Variants in TDRD3 observed in about 807,000 individuals in gnomAD.
The protein encoded by TDRD3 is tudor domain containing 3.
In TDRD3, 45 loss-of-function variants were observed where a neutral mutation model predicts 86.7. That is an observed-to-expected ratio of 0.52 (90% CI 0.41 to 0.67). The LOEUF (loss-of-function observed/expected upper bound fraction) is 0.67, where lower values mean the gene tolerates loss of function less well. Among genes scored for constraint, TDRD3 ranks in the 30% least tolerant of loss-of-function variants. The pLI, the probability that TDRD3 is intolerant of heterozygous loss-of-function variation, is 0.00. For synonymous variants in TDRD3, 298 were observed against 301.7 expected (o/e 0.99, Z 0.13); for missense variants, 814 against 889.0 (o/e 0.92, Z 1.07).
At chr13:60,555,819 A>G (rs1958168702) in intron 12 of TDRD3, among the ~76,000 whole-genome samples, 1 of 151,406 alleles carries the variant, frequency 6.6e-6, no homozygotes, top group African/African-American at 2.4e-5. Flanking sequence ...AGTATTTTAC[A>G]TAGGGTAGGA....
intron 10 of TDRD3, among the ~76,000 whole-genome samples, chr13:60,518,110 A>G (rs1957212866): frequency 6.6e-6 from 1 of 152,228 alleles, no homozygotes; most frequent in Admixed American, 6.5e-5. Context: ...TTAAGATGGC[A>G]GGCACAGTAC....
At chr13:60,511,342 A>G (rs1471736079) in intron 10 of TDRD3, among the ~76,000 whole-genome samples, 3 of 152,234 alleles carry the variant, frequency 2.0e-5, no homozygotes, top group Admixed American at 6.5e-5. Context: ...TCATTCAGAT[A>G]TATTTTGAAT....
At chr13:60,400,826 A>G (rs1008751627) in intron 1 of TDRD3, among the ~76,000 whole-genome samples, 3 of 152,126 alleles carry the variant, frequency 2.0e-5, no homozygotes, top group African/African-American at 7.2e-5. Flanking sequence ...AAGCACAGAG[A>G]GTTTCAATAA....
intron 2 of TDRD3, among the ~76,000 whole-genome samples, chr13:60,441,204 ATAT>A (rs1388669049): frequency 5.9e-5 from 9 of 152,180 alleles, no homozygotes; most frequent in African/African-American, 1.9e-4. Flanking sequence ...TTGCTTAAAA[ATAT>A]TATAAAGGAC....
intron 10 of TDRD3, 47 bp downstream of exon 10, chr13:60,510,802 C>CTTTTTTTT: frequency 1.7e-6 from 2 of 1,204,020 alleles, no homozygotes; most frequent in Admixed American, 3.5e-5. Flanking sequence ...TCTTTTCTTT[C>CTTTTTTTT]TTTTTTTTTT....
At chr13:60,519,812 C>T (rs577572073) in intron 10 of TDRD3, among the ~76,000 whole-genome samples, 1 of 152,188 alleles carries the variant, frequency 6.6e-6, no homozygotes, top group African/African-American at 2.4e-5. Flanking sequence ...CTGAGGTAAG[C>T]TCATTTGGTT....
intron 1 of TDRD3, among the ~76,000 whole-genome samples, chr13:60,439,422 A>G (rs933813488): frequency 6.6e-6 from 1 of 152,186 alleles, no homozygotes; most frequent in Admixed American, 6.5e-5. Context: ...TCCCTTAAGT[A>G]TATTGACATT....
At chr13:60,494,691 T>C (rs1956677936) in intron 8 of TDRD3, 116 bp downstream of exon 8, 2 of 845,330 alleles carry the variant, frequency 2.4e-6, no homozygotes, top group Non-Finnish European at 1.7e-6. Context: ...ATGTTATAAC[T>C]CTTGAAGGCT....
Position 60,535,181 on chromosome 13 carries a change from A to G in TDRD3, c.2066A>G (p.Asn689Ser). 1.2e-6 allele frequency: 2 copies of G among 1,614,018 alleles called. No homozygotes were observed. The highest frequency in any genetic ancestry group is 1.7e-6 in the Non-Finnish European group (2 of 1,179,902). The change falls in exon 12 of 14, where the codon AAC becomes AGC. Residue 689 changes from asparagine to serine, a missense_variant. By Grantham distance (46) the Asn-to-Ser change is conservative. Transcript: ENST00000377881. ...GTTGTTAAATTCATTGACTACGGAAACTATGAAGAGGTGCTACTGAGCAAT... is the reference window on the plus strand; with the variant it reads ...GTTGTTAAATTCATTGACTACGGAAGCTATGAAGAGGTGCTACTGAGCAAT... ...TAVVKFIDYGNYEEVLLSNIK... is the reference protein window; with the variant it reads ...TAVVKFIDYGSYEEVLLSNIK...
intron 12 of TDRD3, among the ~76,000 whole-genome samples, chr13:60,561,125 CTA>C (rs1263272110): frequency 6.6e-6 from 1 of 152,080 alleles, no homozygotes. Flanking sequence ...ATAAAACTTA[CTA>C]TATTTGGTTA....
At chr13:60,435,129 A>G (rs1955058147) in intron 1 of TDRD3, among the ~76,000 whole-genome samples, 1 of 152,214 alleles carries the variant, frequency 6.6e-6, no homozygotes, top group Non-Finnish European at 1.5e-5. Flanking sequence ...ACAATCGTCC[A>G]GTATTAACAA....
At chr13:60,551,400 T>C (rs1958049640) in intron 12 of TDRD3, among the ~76,000 whole-genome samples, 1 of 152,200 alleles carries the variant, frequency 6.6e-6, no homozygotes, top group Admixed American at 6.5e-5. Flanking sequence ...TTAATGCTGG[T>C]TCCATTTCTC....
intron 12 of TDRD3, chr13:60,547,429 G>A: frequency 1.0e-6 from 1 of 985,304 alleles, no homozygotes; most frequent in African/African-American, 1.7e-5. Flanking sequence ...GAAATGCACA[G>A]GAGGAGTCAG....
At chr13:60,531,137 T>C (rs1050214231) in intron 11 of TDRD3, among the ~76,000 whole-genome samples, 13 of 152,186 alleles carry the variant, frequency 8.5e-5, no homozygotes, top group Non-Finnish European at 2.9e-5. Context: ...CAGCACTGGG[T>C]GTCTTTTCTT....
intron 12 of TDRD3, among the ~76,000 whole-genome samples, chr13:60,549,585 T>C (rs982485266): frequency 6.6e-6 from 1 of 151,988 alleles, no homozygotes; most frequent in African/African-American, 2.4e-5. Flanking sequence ...CGTGTGTGTG[T>C]GCACGTGTAT....
intron 10 of TDRD3, among the ~76,000 whole-genome samples, chr13:60,515,514 T>TATTTCTTA (rs755914607): frequency 3.9e-5 from 6 of 152,198 alleles, no homozygotes; most frequent in Non-Finnish European, 5.9e-5. Flanking sequence ...TGCCTGTAGC[T>TATTTCTTA]ATTTCTTATA....
intron 7 of TDRD3, among the ~76,000 whole-genome samples, chr13:60,488,400 G>C (rs557484367): frequency 6.6e-6 from 1 of 152,222 alleles, no homozygotes; most frequent in African/African-American, 2.4e-5. Context: ...CAGATTTTAA[G>C]ATCAGAAGGG....
intron 10 of TDRD3, among the ~76,000 whole-genome samples, chr13:60,521,624 G>A (rs1017246081): frequency 2.0e-5 from 3 of 152,232 alleles, no homozygotes; most frequent in African/African-American, 7.2e-5. Flanking sequence ...GGCCGGGTGC[G>A]GTGGCTCACG....
chr13:60,458,236 T>C (rs1182365367), intron 3 of TDRD3, among the ~76,000 whole-genome samples: 1 of 152,244 alleles, frequency 6.6e-6, no homozygotes, highest in Non-Finnish European at 1.5e-5. Flanking sequence ...TGTGTTTGCA[T>C]CAATGGCATT....
Sources: gnomAD v4.1 joint callset for allele counts (sites outside exome capture counted in the v4.1 genomes callset) on GRCh38, gnomAD v4.1.1 for gene constraint, MANE v1.5 for transcripts, NCBI Gene and HGNC (gene_info 2026-07-23, HGNC 2026-07-21) for gene names.